The following MCOLN2 variants were observed in gnomAD, a reference collection of about 807,000 sequenced individuals.
The protein encoded by MCOLN2 is mucolipin TRP cation channel 2, also known as mucolipin-2.
MCOLN2 carries 57 observed loss-of-function variants against 67.5 expected under a neutral mutation model. The ratio of observed to expected loss-of-function variants is 0.84; its 90% CI spans 0.68 to 1.05. MCOLN2 has a LOEUF of 1.05. Ranked by LOEUF, MCOLN2 falls within the 50% of genes least tolerant of loss-of-function variation. The probability of loss-of-function intolerance (pLI) is 0.00; values close to 1 mark genes in which losing one functional copy is unlikely to be tolerated. For missense variants in MCOLN2, 620 were observed against 678.8 expected, an observed-to-expected ratio of 0.91 and a Z score of 0.96; for synonymous variants, 246 against 233.3, an observed-to-expected ratio of 1.05 and a Z score of -0.50.
chr1:84,960,834 A>C (rs559408900), intron 2 of MCOLN2, among the ~76,000 whole-genome samples: 1 of 152,326 alleles, frequency 6.6e-6, no homozygotes, highest in South Asian at 2.1e-4. Flanking sequence ...AAGTTCTTCA[A>C]TCAAAGTTTG....
At chr1:84,969,335 C>T (rs1253625419) in intron 1 of MCOLN2, among the ~76,000 whole-genome samples, 1 of 152,188 alleles carries the variant, frequency 6.6e-6, no homozygotes, top group Non-Finnish European at 1.5e-5. Context: ...CTTTGGGAGG[C>T]AGAGGCGGGT....
chr1:84,956,566 T>C lies in MCOLN2; in HGVS notation c.430A>G (p.Ile144Val). ...CCATAACCAAGGGTCCCCAGGGTAA[T>C]GTCCTTTAGCTGATGATACTATTAA... ...AINQYHQLKD[I>V]TLGTLGYGEN... Residue 144 changes from isoleucine to valine, a missense_variant, in exon 4 of 14, where the codon ATT becomes GTT. Physicochemically the swap from Ile to Val is conservative, Grantham distance 29 (BLOSUM62 3). Coordinates refer to ENST00000370608, the MANE Select transcript of MCOLN2 (RefSeq NM_153259.4). The C allele has an allele frequency of 3.1e-6, 5 of 1,602,644 alleles. No individual in the cohort carries two copies. The highest frequency in any genetic ancestry group is 4.2e-6 in the Non-Finnish European group (5 of 1,176,908).
rs987182432 is a variant in MCOLN2, at chr1:84,997,018, G to A, written c.-146C>T. The A allele has an allele frequency of 4.4e-6, 3 of 689,618 alleles. No homozygotes were observed. Among genetic ancestry groups the A allele is most frequent in the Admixed American group, 5.5e-5 (2 of 36,576 alleles). The allele number at this position is 689,618 out of a possible 1,614,324, so 42.7% of individuals were successfully genotyped here. A position where few individuals can be genotyped will look rare whatever the true frequency, so the allele number is the denominator to read the frequency against. On this transcript the variant is annotated 5_prime_UTR_variant, in exon 1 of 14. Coordinates refer to ENST00000370608, the MANE Select transcript of MCOLN2 (RefSeq NM_153259.4). Reference sequence around the variant, plus strand: ...GTTCCCTTCTCTTACCCTTTCTGCCGGCCGCGTGGTGCGCGCAGACCCCGG... The same window carrying A: ...GTTCCCTTCTCTTACCCTTTCTGCCAGCCGCGTGGTGCGCGCAGACCCCGG...
In MCOLN2 at chr1:84,989,442, T is replaced by C. The variant is rs112553604; in HGVS notation, c.77+7354A>G. Among the ~76,000 whole-genome samples, 222 of 152,294 alleles carry C rather than the reference T, an allele frequency of 1.5e-3. 1 individual carries two copies. Among genetic ancestry groups the C allele is most frequent in the African/African-American group, 5.2e-3 (215 of 41,578 alleles). On this transcript the variant is annotated intron_variant, in intron 1 of 13. Transcript: ENST00000370608. ...TTTGCTGATGATAGAAACCCTACTT[T>C]GTTTTACTCATTATTCCTAGTCTTT... is the stretch of plus-strand genomic sequence containing the variant.
At chr1:84,985,641 T>A (rs1039899102) in intron 1 of MCOLN2, among the ~76,000 whole-genome samples, 2 of 152,152 alleles carry the variant, frequency 1.3e-5, no homozygotes, top group Non-Finnish European at 2.9e-5. Flanking sequence ...ATGCTTCAGC[T>A]GCTGACCAAG....
At chr1:84,973,332 G>C (rs561664513) in intron 1 of MCOLN2, among the ~76,000 whole-genome samples, 6 of 152,152 alleles carry the variant, frequency 3.9e-5, no homozygotes, top group Admixed American at 2.6e-4. Context: ...TTTAAAATCA[G>C]CCCAGTGTGG....
At chr1:84,939,977 T>C (rs1647661158) in intron 8 of MCOLN2, among the ~76,000 whole-genome samples, 1 of 152,108 alleles carries the variant, frequency 6.6e-6, no homozygotes, top group Non-Finnish European at 1.5e-5. Context: ...TTCCAAATAC[T>C]TTTCATATTA....
intron 1 of MCOLN2, among the ~76,000 whole-genome samples, chr1:84,994,284 C>T (rs915334156): frequency 1.3e-5 from 2 of 152,160 alleles, no homozygotes; most frequent in African/African-American, 4.8e-5. Context: ...TTAAAAGTCA[C>T]CAGCTGTACT....
chr1:84,951,843 C>T (rs1028376114), intron 6 of MCOLN2, among the ~76,000 whole-genome samples: 3 of 152,180 alleles, frequency 2.0e-5, no homozygotes, highest in African/African-American at 7.2e-5. Context: ...GAGGCCGAGG[C>T]AGGCAGATCA....
chr1:84,938,135 T>C, intron 9 of MCOLN2, 53 bp from the exon 10 acceptor site: 1 of 1,276,032 alleles, frequency 7.8e-7, no homozygotes, highest in Non-Finnish European at 1.1e-6. Context: ...TTGACTCCAC[T>C]TAGCTTATTA....
Position 84,940,915 on chromosome 1 carries a change from A to G in MCOLN2, c.924T>C (p.Cys308=). The G allele has an allele frequency of 1.2e-6, 2 of 1,613,584 alleles. No individual in the cohort carries two copies. The highest frequency in any genetic ancestry group is 1.7e-6 in the Non-Finnish European group (2 of 1,179,662). The change falls in exon 8 of 14, where the codon TGT becomes TGC. Residue 308 remains cysteine (C), a synonymous_variant. Coordinates refer to ENST00000370608, the MANE Select transcript of MCOLN2 (RefSeq NM_153259.4). The part of the protein sequence containing the change: ...IVICLASLIL[C]TRSIVLALRL... ...TTAGAGCAAGAACAATGGATCTTGTACACAGAATAAGAGATGCCAAGCAAA... is the reference window on the plus strand; with the variant it reads ...TTAGAGCAAGAACAATGGATCTTGTGCACAGAATAAGAGATGCCAAGCAAA...
chr1:84,992,084 T>A (rs896668940), intron 1 of MCOLN2, among the ~76,000 whole-genome samples: 43 of 152,190 alleles, frequency 2.8e-4, no homozygotes, highest in African/African-American at 1.0e-3. Context: ...CCCAACTCAG[T>A]TTCATGTTGG....
chr1:84,995,034 A>T (rs986793181), intron 1 of MCOLN2, among the ~76,000 whole-genome samples: 5 of 152,144 alleles, frequency 3.3e-5, no homozygotes, highest in African/African-American at 1.2e-4. Flanking sequence ...AGGAAAAGAG[A>T]TAGAAGAATG....
Position 84,996,961 on chromosome 1 carries a change from C to T in MCOLN2, c.-89G>A, listed in dbSNP as rs149226662. The T allele has an allele frequency of 1.3e-4, 161 of 1,220,686 alleles. No individual in the cohort carries two copies. The African/African-American group carries it at 2.3e-3, about 17-fold the overall frequency. 75.6% of individuals were successfully genotyped at this position (1,220,686 alleles called of 1,614,324 possible). The stretch of plus-strand genomic sequence containing the variant: ...GACTCATTTCGCCCTCGCCGTAACG[C>T]GTCCGCCGAAGTTGGAGCCCTGCAA... On this transcript the variant is annotated 5_prime_UTR_variant, in exon 1 of 14. Coordinates refer to ENST00000370608, the MANE Select transcript of MCOLN2 (RefSeq NM_153259.4).
chr1:84,946,858 C>A (rs1648139148), intron 7 of MCOLN2, among the ~76,000 whole-genome samples, 175 bp downstream of exon 7: 1 of 152,160 alleles, frequency 6.6e-6, no homozygotes, highest in East Asian at 1.9e-4. Context: ...ATATAATAAA[C>A]ATTTGCTGAA....
chr1:84,934,930 T>C (rs995009253), intron 11 of MCOLN2, among the ~76,000 whole-genome samples: 4 of 152,188 alleles, frequency 2.6e-5, no homozygotes, highest in African/African-American at 9.6e-5. Flanking sequence ...GCTGAAGTGT[T>C]ATGGGACCCC....
At chr1:84,969,936 T>G (rs1288764316) in intron 1 of MCOLN2, among the ~76,000 whole-genome samples, 1 of 152,162 alleles carries the variant, frequency 6.6e-6, no homozygotes, top group Non-Finnish European at 1.5e-5. Flanking sequence ...GACGATGTGG[T>G]AAGTGCTACG....
At chr1:84,958,398 A>G in intron 3 of MCOLN2, 131 bp downstream of exon 3, 2 of 638,754 alleles carry the variant, frequency 3.1e-6, no homozygotes, top group Non-Finnish European at 5.0e-6. Context: ...ATAGCAATAA[A>G]CATTTTTTGG....
Position 84,926,446 on chromosome 1 carries a change from AT to A in MCOLN2, c.*238del, listed in dbSNP as rs2102792319. On this transcript the variant is annotated 3_prime_UTR_variant, in exon 14 of 14. Coordinates refer to ENST00000370608, the MANE Select transcript of MCOLN2 (RefSeq NM_153259.4). Reference sequence around the variant, plus strand: ...TAACAGACTAATAGAGAATTTTATTATCGCTGTTATATTGCACTAATGCCCA... The same window carrying A: ...TAACAGACTAATAGAGAATTTTATTACGCTGTTATATTGCACTAATGCCCA... 2 of 365,168 alleles carry A rather than the reference AT, an allele frequency of 5.5e-6. No individual in the cohort carries two copies. Among genetic ancestry groups the A allele is most frequent in the East Asian group, 4.0e-5 (1 of 25,016 alleles). The allele number at this position is 365,168 out of a possible 1,614,324, so 22.6% of individuals were successfully genotyped here.
Sources: gnomAD v4.1 joint callset for allele counts (sites outside exome capture counted in the v4.1 genomes callset) on GRCh38, gnomAD v4.1.1 for gene constraint, MANE v1.5 for transcripts, NCBI Gene and HGNC (gene_info 2026-07-23, HGNC 2026-07-21) for gene names.